The following ITPR2 variants were observed in gnomAD, a reference collection of about 807,000 sequenced individuals.
ITPR2 encodes the protein inositol 1,4,5-trisphosphate-gated calcium channel ITPR2.
ITPR2 carries 207 observed loss-of-function variants against 317.1 expected under a neutral mutation model. The ratio of observed to expected loss-of-function variants is 0.65; its 90% CI spans 0.58 to 0.73. The LOEUF is 0.73. ITPR2 is among the 30% of genes least tolerant of loss of function. The probability of loss-of-function intolerance (pLI) is 0.00; values close to 1 mark genes in which losing one functional copy is unlikely to be tolerated. For missense variants in ITPR2, 2,613 were observed against 3,284.0 expected (o/e 0.80, Z 4.99); for synonymous variants, 1,156 against 1,149.1 (o/e 1.01, Z -0.12).
intron 34 of ITPR2, among the ~76,000 whole-genome samples, chr12:26,577,438 CTATT>C (rs1201351873): frequency 6.6e-6 from 1 of 152,178 alleles, no homozygotes; most frequent in Non-Finnish European, 1.5e-5. Flanking sequence ...TTATGTTTCT[CTATT>C]TATTAAAATA....
chr12:26,697,547 G>A (rs1307362085), intron 9 of ITPR2, among the ~76,000 whole-genome samples: 1 of 152,176 alleles, frequency 6.6e-6, no homozygotes, highest in East Asian at 1.9e-4. Flanking sequence ...GGTGGCTCAT[G>A]CATTTAATCC....
In ITPR2 at chr12:26,720,916, C is replaced by T. The variant is rs114454214; in HGVS notation, c.525+1481G>A. On this transcript the variant is annotated intron_variant, in intron 5 of 56. Coordinates refer to ENST00000381340, the MANE Select transcript of ITPR2 (RefSeq NM_002223.4). Reference sequence around the variant, plus strand: ...TAATCCACGGCTAATTTAAAAACTCCAATTCATTCAATTATTTCATCACAT... The same window carrying T: ...TAATCCACGGCTAATTTAAAAACTCTAATTCATTCAATTATTTCATCACAT... 4.5e-3 allele frequency among the ~76,000 whole-genome samples: 690 copies of T among 152,262 alleles called. 4 individuals carry two copies. Among genetic ancestry groups the T allele is most frequent in the African/African-American group, 0.016 (673 of 41,568 alleles).
Position 26,666,043 on chromosome 12 carries a change from G to C in ITPR2, c.1418C>G (p.Thr473Ser), listed in dbSNP as rs1947619841. The C allele has an allele frequency of 6.2e-7, 1 of 1,607,038 alleles. No individual in the cohort carries two copies. The change falls in exon 14 of 57, where the codon ACC (threonine) becomes AGC (serine). Residue 473 changes from threonine (T) to serine (S), a missense_variant. By Grantham distance (58) the Thr-to-Ser change is moderately conservative. Around this residue, in one of 9 missense-constraint regions of ITPR2, gnomAD observed 515 missense variants for 789.4 expected, o/e 0.65. Coordinates refer to ENST00000381340, the MANE Select transcript of ITPR2 (RefSeq NM_002223.4). ...TITQNERRFV[T>S]KLLEDLIFFV... The stretch of plus-strand genomic sequence containing the variant: ...GAATATGAGATCTTCCAATAATTTG[G>C]TTACAAACCTATTACAAAATGAAAA...
At chr12:26,605,120 AAT>A (rs200152282) in intron 26 of ITPR2, among the ~76,000 whole-genome samples, 9,362 of 104,094 alleles carry the variant, frequency 0.09, 530 homozygotes, top group East Asian at 0.26. Context: ...AAAAATAAAA[AAT>A]AAAAATATAT....
At chr12:26,523,148 A>T (rs1229109898) in intron 37 of ITPR2, among the ~76,000 whole-genome samples, 1 of 152,194 alleles carries the variant, frequency 6.6e-6, no homozygotes, top group African/African-American at 2.4e-5. Context: ...CTAGTATGAT[A>T]ATAATCCTCA....
At chr12:26,523,224 T>A (rs114675441) in intron 37 of ITPR2, among the ~76,000 whole-genome samples, 147 of 152,294 alleles carry the variant, frequency 9.7e-4, no homozygotes, top group African/African-American at 3.5e-3. Flanking sequence ...ACATCTCTTT[T>A]CGTAAAAAGA....
At chr12:26,775,893 T>C (rs56160378) in intron 2 of ITPR2, among the ~76,000 whole-genome samples, 24,084 of 138,102 alleles carry the variant, frequency 0.17, 2,860 homozygotes, top group Non-Finnish European at 0.25. Context: ...CAGAACCTTG[T>C]GATCGTGTCA....
intron 11 of ITPR2, among the ~76,000 whole-genome samples, chr12:26,684,206 G>A (rs1948085723): frequency 6.6e-6 from 1 of 152,192 alleles, no homozygotes; most frequent in South Asian, 2.1e-4. Context: ...GTTGTCATCA[G>A]GTCCCCTGGT....
chr12:26,679,469 C>CA (rs1405999920), intron 13 of ITPR2, among the ~76,000 whole-genome samples: 1 of 152,108 alleles, frequency 6.6e-6, no homozygotes, highest in Non-Finnish European at 1.5e-5. Flanking sequence ...TGGGACCCTG[C>CA]AGGAGCCTTT....
chr12:26,350,336 C>T (rs975015053), intron 55 of ITPR2, among the ~76,000 whole-genome samples: 4 of 152,112 alleles, frequency 2.6e-5, no homozygotes, highest in East Asian at 1.9e-4. Flanking sequence ...TCCAGACCAG[C>T]GGGGGAGTTG....
intron 37 of ITPR2, among the ~76,000 whole-genome samples, chr12:26,523,008 C>T (rs932298033): frequency 2.0e-5 from 3 of 152,190 alleles, no homozygotes; most frequent in Non-Finnish European, 4.4e-5. Flanking sequence ...ACAATTCTAA[C>T]GAGCATTGTC....
intron 36 of ITPR2, among the ~76,000 whole-genome samples, chr12:26,554,231 T>C (rs1367167680): frequency 6.6e-6 from 1 of 152,186 alleles, no homozygotes; most frequent in East Asian, 1.9e-4. Flanking sequence ...TGTTCCATAT[T>C]TGTGCTGCCA....
At chr12:26,636,183 C>CA (rs1249105576) in intron 21 of ITPR2, among the ~76,000 whole-genome samples, 1 of 152,216 alleles carries the variant, frequency 6.6e-6, no homozygotes, top group East Asian at 1.9e-4. Context: ...CTTGCTCCCT[C>CA]ACTCCTTTCT....
chr12:26,491,790 G>T (rs1942813224), intron 39 of ITPR2, among the ~76,000 whole-genome samples: 1 of 152,194 alleles, frequency 6.6e-6, no homozygotes, highest in African/African-American at 2.4e-5. Context: ...AGACAACTGG[G>T]TAGATGGAGT....
intron 46 of ITPR2, among the ~76,000 whole-genome samples, chr12:26,439,974 T>C (rs1217293288): frequency 6.6e-6 from 1 of 152,220 alleles, no homozygotes. Context: ...CTTTACTATG[T>C]AACAAGGGCT....
chr12:26,752,720 T>C (rs990385979), intron 2 of ITPR2, among the ~76,000 whole-genome samples: 1 of 152,180 alleles, frequency 6.6e-6, no homozygotes, highest in African/African-American at 2.4e-5. Flanking sequence ...GGACTCGCCC[T>C]GAATTCTTTC....
At chr12:26,359,146 G>A (rs1040885690) in intron 55 of ITPR2, among the ~76,000 whole-genome samples, 4 of 152,214 alleles carry the variant, frequency 2.6e-5, no homozygotes, top group Admixed American at 6.5e-5. Context: ...AGTGTCAGGC[G>A]CATAGCAGGC....
intron 22 of ITPR2, among the ~76,000 whole-genome samples, chr12:26,629,710 G>A (rs920180595): frequency 2.7e-5 from 4 of 150,904 alleles, no homozygotes; most frequent in East Asian, 1.9e-4. Context: ...CTCTGTCCTC[G>A]TCTGTCTCAG....
chr12:26,623,380 G>A (rs1300622721), intron 24 of ITPR2: 3 of 152,196 alleles, frequency 2.0e-5, no homozygotes. Context: ...GGTGACTGCT[G>A]CAGGGTCACA....
Sources: allele counts gnomAD v4.1 joint callset (sites outside exome capture counted in the v4.1 genomes callset), GRCh38; gene constraint gnomAD v4.1.1; regional missense constraint gnomAD v4.1.1; transcripts MANE v1.5; gene names NCBI Gene and HGNC (gene_info 2026-07-23, HGNC 2026-07-21).